The following KCNJ16 variants were observed in gnomAD, a reference collection of about 807,000 sequenced individuals.
The protein encoded by KCNJ16 is potassium inwardly rectifying channel subfamily J member 16.
KCNJ16 carries 15 observed loss-of-function variants against 18.5 expected under a neutral mutation model. That is an observed-to-expected ratio of 0.81 (90% CI 0.54 to 1.25). KCNJ16 has a LOEUF of 1.25. Ranked by LOEUF, KCNJ16 falls within the 50% of genes most tolerant of loss-of-function variation. The pLI is 0.00. For synonymous variants in KCNJ16, 174 were observed against 186.5 expected (o/e 0.93, Z 0.55); for missense variants, 523 against 525.7 (o/e 0.99, Z 0.05).
intron 2 of KCNJ16, chr17:70,104,866 G>A (rs1006230335): frequency 1.3e-5 from 2 of 152,676 alleles, no homozygotes; most frequent in African/African-American, 4.8e-5. Flanking sequence ...GAACTCAGTG[G>A]CCTTTGTCTG....
At chr17:70,103,324 A>ACACACAAATATACACACACACACACATAT (rs142139198) in intron 2 of KCNJ16, among the ~76,000 whole-genome samples, 1 of 113,348 alleles carries the variant, frequency 8.8e-6, no homozygotes, top group African/African-American at 3.3e-5. Context: ...ATATATATAC[A>ACACACAAATATACACACACACACACATAT]CACACATATA....
chr17:70,097,012 G>T (rs941550509), intron 1 of KCNJ16: 1 of 395,662 alleles, frequency 2.5e-6, no homozygotes, highest in African/African-American at 2.1e-5. Flanking sequence ...TACAATCAAA[G>T]AAATCTCCAT....
At chr17:70,075,899 G>T (rs2071284989) in intron 1 of KCNJ16, among the ~76,000 whole-genome samples, 1 of 151,518 alleles carries the variant, frequency 6.6e-6, no homozygotes, top group Non-Finnish European at 1.5e-5. Context: ...ATTTTTTCTA[G>T]ATTTATTTTA....
intron 2 of KCNJ16, among the ~76,000 whole-genome samples, chr17:70,115,433 C>G (rs1598155553): frequency 1.3e-5 from 2 of 152,060 alleles, no homozygotes; most frequent in African/African-American, 4.8e-5. Context: ...GGACCATTTA[C>G]TTGAGTTTTG....
intron 3 of KCNJ16, chr17:70,131,393 T>C (rs1236198015): frequency 4.9e-6 from 5 of 1,025,196 alleles, no homozygotes; most frequent in Non-Finnish European, 5.8e-6. Context: ...TAATGTGAAG[T>C]AGTACTCCTG....
chr17:70,095,870 CTTTTTTTTTT>C (rs147216245), intron 1 of KCNJ16, among the ~76,000 whole-genome samples: 20 of 95,398 alleles, frequency 2.1e-4, no homozygotes, highest in South Asian at 3.7e-4. Flanking sequence ...TTACTTAATC[CTTTTTTTTTT>C]TTTTTTTTTT....
intron 2 of KCNJ16, among the ~76,000 whole-genome samples, chr17:70,119,089 T>G (rs1367853180): frequency 6.6e-6 from 1 of 152,194 alleles, no homozygotes; most frequent in African/African-American, 2.4e-5. Context: ...AGTTTAAAAC[T>G]TAGCAGGGCA....
chr17:70,101,918 C>G (rs2072644383), intron 2 of KCNJ16: 1 of 152,070 alleles, frequency 6.6e-6, no homozygotes, highest in Admixed American at 6.6e-5. Context: ...AAAGTATTAT[C>G]ACAGAATTTA....
rs1232901866 is a variant in KCNJ16, at chr17:70,132,687, G to T, written c.600G>T (p.Met200Ile). 6.2e-7 allele frequency: 1 copy of T among 1,614,084 alleles called. No individual in the cohort carries two copies. Among genetic ancestry groups the T allele is most frequent in the Non-Finnish European group, 8.5e-7 (1 of 1,180,048 alleles). Residue 200 changes from methionine to isoleucine, a missense_variant, in exon 4 of 4, where the codon ATG (methionine) becomes ATT (isoleucine). Physicochemically the swap from Met to Ile is conservative, Grantham distance 10. Coordinates refer to ENST00000392671, the MANE Select transcript of KCNJ16 (RefSeq NM_170741.4). The stretch of plus-strand genomic sequence containing the variant: ...TGAGAGATGGGAAGCTTTGCCTCAT[G>T]TGGCGCATTGGTGATTTTCGGCCAA... ...IGMRDGKLCL[M>I]WRIGDFRPNH...
At chr17:70,118,521 T>C (rs1291223781) in intron 2 of KCNJ16, among the ~76,000 whole-genome samples, 1 of 152,032 alleles carries the variant, frequency 6.6e-6, no homozygotes, top group Non-Finnish European at 1.5e-5. Context: ...CAGCACCTGC[T>C]TCTGGGGAGG....
chr17:70,125,515 G>C (rs540500347), intron 2 of KCNJ16, among the ~76,000 whole-genome samples: 1 of 152,314 alleles, frequency 6.6e-6, no homozygotes, highest in African/African-American at 2.4e-5. Flanking sequence ...ATGAAACTCA[G>C]TTCTCATGGT....
chr17:70,088,793 T>C (rs936936428), intron 1 of KCNJ16, among the ~76,000 whole-genome samples: 2 of 152,112 alleles, frequency 1.3e-5, no homozygotes, highest in African/African-American at 4.8e-5. Flanking sequence ...GCATGACCTG[T>C]TTATTTATGT....
chr17:70,106,528 T>G (rs1434758219), intron 2 of KCNJ16, among the ~76,000 whole-genome samples: 1 of 152,172 alleles, frequency 6.6e-6, no homozygotes, highest in Admixed American at 6.5e-5. Flanking sequence ...TACCAAGTGG[T>G]GCAATTCCAA....
At chr17:70,095,427 A>G (rs2072310681) in intron 1 of KCNJ16, among the ~76,000 whole-genome samples, 1 of 152,156 alleles carries the variant, frequency 6.6e-6, no homozygotes, top group Admixed American at 6.5e-5. Context: ...AGAAAAAGAA[A>G]ATGTGCTCCT....
At chr17:70,092,065 A>G (rs1231108863) in intron 1 of KCNJ16, among the ~76,000 whole-genome samples, 5 of 152,218 alleles carry the variant, frequency 3.3e-5, no homozygotes, top group Admixed American at 6.5e-5. Flanking sequence ...GAAACCTAAA[A>G]CATCTACCTA....
intron 1 of KCNJ16, among the ~76,000 whole-genome samples, chr17:70,085,190 T>C (rs2071738513): frequency 2.0e-5 from 3 of 152,320 alleles, no homozygotes; most frequent in Admixed American, 1.3e-4. Context: ...TACCACTACA[T>C]GGAGACACAC....
At chr17:70,083,984 G>C (rs8075605) in intron 1 of KCNJ16, among the ~76,000 whole-genome samples, 112,888 of 151,946 alleles carry the variant, frequency 0.74, 42,234 homozygotes, top group East Asian at 0.99. Flanking sequence ...GTGGCCAGCA[G>C]CACAGTACCC....
At chr17:70,130,704 A>G (rs2074026069) in intron 2 of KCNJ16, among the ~76,000 whole-genome samples, 175 bp from the exon 3 acceptor site, 3 of 152,202 alleles carry the variant, frequency 2.0e-5, no homozygotes, top group Admixed American at 1.3e-4. Context: ...TGTCAGGAAT[A>G]GTATTTATTC....
In KCNJ16 at chr17:70,135,372, T is replaced by G. The variant is rs2074188459; in HGVS notation, c.*2028T>G. ...TTTCATTTCATCTTGCTTTGCTTTG[T>G]TGACTCTGCTACCGCTGATGTTTGC... On this transcript the variant is annotated 3_prime_UTR_variant, in exon 4 of 4. Coordinates refer to ENST00000392671, the MANE Select transcript of KCNJ16 (RefSeq NM_170741.4). The G allele has an allele frequency of 6.0e-6, 1 of 167,124 alleles. No homozygotes were observed. The highest frequency in any genetic ancestry group is 2.4e-5 in the African/African-American group (1 of 41,470). The allele number at this position is 167,124 out of a possible 1,614,324, so 10.4% of individuals were successfully genotyped here. A position where few individuals can be genotyped will look rare whatever the true frequency, so the allele number is the denominator to read the frequency against.
Sources: gnomAD v4.1 joint callset for allele counts (sites outside exome capture counted in the v4.1 genomes callset) on GRCh38, gnomAD v4.1.1 for gene constraint, MANE v1.5 for transcripts, NCBI Gene and HGNC (gene_info 2026-07-23, HGNC 2026-07-21) for gene names.